Variants in COL5A2 observed in about 807,000 individuals in gnomAD.
COL5A2 encodes the protein collagen type V alpha 2 chain.
COL5A2 carries 23 observed loss-of-function variants against 208.2 expected under a neutral mutation model. The observed-to-expected ratio is 0.11, with a 90% CI of 0.08 to 0.16. COL5A2 has a LOEUF of 0.16. Ranked by LOEUF, COL5A2 falls within the 10% of genes least tolerant of loss-of-function variation. The pLI, the probability that COL5A2 is intolerant of heterozygous loss-of-function variation, is 1.00. For missense variants in COL5A2, 1,590 were observed against 1,956.4 expected, an observed-to-expected ratio of 0.81 and a Z score of 3.53; for synonymous variants, 625 against 628.5, an observed-to-expected ratio of 0.99 and a Z score of 0.08.
the COL5A2 span, among the ~76,000 whole-genome samples, chr2:189,396,864 C>G: frequency 3.3e-5 from 5 of 151,114 alleles, no homozygotes; most frequent in African/African-American, 1.2e-4. Flanking sequence ...TGGTGGCGGG[C>G]ACCTGTAGTC....
chr2:189,091,063 C>T (rs955144268), intron 7 of COL5A2, among the ~76,000 whole-genome samples: 1 of 152,066 alleles, frequency 6.6e-6, no homozygotes, highest in South Asian at 2.1e-4. Flanking sequence ...TTCTAGGTGC[C>T]ATTAAGAACA....
intron 41 of COL5A2, 52 bp downstream of exon 41, chr2:189,052,118 CGT>C (rs761795676): frequency 7.2e-6 from 10 of 1,394,114 alleles, no homozygotes; most frequent in African/African-American, 1.4e-5. Flanking sequence ...CAAATGTATA[CGT>C]GTGTGTGTAA....
chr2:189,147,270 A>C (rs1303172818), intron 1 of COL5A2, among the ~76,000 whole-genome samples: 1 of 152,160 alleles, frequency 6.6e-6, no homozygotes, highest in Non-Finnish European at 1.5e-5. Flanking sequence ...GAAAATTATG[A>C]AAAAACGTAA....
chr2:189,097,364 A>G (rs1379899145), intron 5 of COL5A2, 34 bp from the exon 6 acceptor site: 3 of 1,607,218 alleles, frequency 1.9e-6, no homozygotes, highest in Non-Finnish European at 2.6e-6. Context: ...GCATGCAAAA[A>G]TGTATACTTT....
the COL5A2 span, among the ~76,000 whole-genome samples, chr2:189,425,854 C>T: frequency 2.6e-5 from 4 of 152,118 alleles, no homozygotes; most frequent in Admixed American, 1.3e-4. Flanking sequence ...TGCCTCACTC[C>T]CCCTTTGCCT....
chr2:189,083,421 T>A (rs1041485350), intron 12 of COL5A2, among the ~76,000 whole-genome samples: 1 of 151,982 alleles, frequency 6.6e-6, no homozygotes, highest in Non-Finnish European at 1.5e-5. Flanking sequence ...TCAGTGTAAA[T>A]TGTCATGATT....
At chr2:189,298,813 C>T in the COL5A2 span, among the ~76,000 whole-genome samples, 2 of 152,170 alleles carry the variant, frequency 1.3e-5, no homozygotes, top group African/African-American at 4.8e-5. Flanking sequence ...ATATCTAACA[C>T]AATCACTGCA....
chr2:189,343,465 T>C, the COL5A2 span, among the ~76,000 whole-genome samples: 6 of 152,082 alleles, frequency 3.9e-5, no homozygotes, highest in African/African-American at 7.2e-5. Flanking sequence ...TATCAAAACC[T>C]TTTTTAAATG....
the COL5A2 span, among the ~76,000 whole-genome samples, chr2:189,427,629 G>A: frequency 6.6e-6 from 1 of 152,232 alleles, no homozygotes; most frequent in Non-Finnish European, 1.5e-5. Context: ...GCCAGAGTGG[G>A]TGAACCCTGC....
At chr2:189,266,701 G>C in the COL5A2 span, among the ~76,000 whole-genome samples, 1 of 152,018 alleles carries the variant, frequency 6.6e-6, no homozygotes, top group African/African-American at 2.4e-5. Flanking sequence ...TTACATATTA[G>C]GATGCTTGAA....
chr2:189,327,243 A>G, the COL5A2 span, among the ~76,000 whole-genome samples: 1 of 152,182 alleles, frequency 6.6e-6, no homozygotes. Flanking sequence ...CACTTAAAAC[A>G]TAGGCTTTCT....
At position 189,070,516 on chromosome 2, in the gene COL5A2, A is replaced by G. The variant is rs13382234; in HGVS notation, c.1158+1524T>C. On this transcript the variant is annotated intron_variant, in intron 18 of 53. Coordinates refer to ENST00000374866, the MANE Select transcript of COL5A2 (RefSeq NM_000393.5). Reference sequence around the variant, plus strand: ...TCTAACAGAAACAGTTTTGCTAGATATTTGAGTTTTATTGAGCAGTTTTCA... The same window carrying G: ...TCTAACAGAAACAGTTTTGCTAGATGTTTGAGTTTTATTGAGCAGTTTTCA... Among the ~76,000 whole-genome samples, 692 of 152,308 alleles carry G rather than the reference A, an allele frequency of 4.5e-3. 5 individuals carry two copies. Among genetic ancestry groups the G allele is most frequent in the African/African-American group, 0.015 (638 of 41,564 alleles).
chr2:189,325,129 G>A, the COL5A2 span, among the ~76,000 whole-genome samples: 1 of 151,860 alleles, frequency 6.6e-6, no homozygotes, highest in African/African-American at 2.4e-5. Flanking sequence ...AGAACACTTG[G>A]ACACGGGAAG....
chr2:189,125,256 A>G (rs1687585173), intron 1 of COL5A2, among the ~76,000 whole-genome samples: 1 of 152,212 alleles, frequency 6.6e-6, no homozygotes, highest in African/African-American at 2.4e-5. Flanking sequence ...AAGGCCATTC[A>G]CAGTATCTGA....
intron 31 of COL5A2, among the ~76,000 whole-genome samples, 169 bp from the exon 32 acceptor site, chr2:189,059,062 A>G (rs1685965018): frequency 6.6e-6 from 1 of 152,180 alleles, no homozygotes; most frequent in Non-Finnish European, 1.5e-5. Flanking sequence ...ATGAGGGAAT[A>G]TTACATGTTT....
At chr2:189,230,205 AC>A (rs773395806), upstream of COL5A2, among the ~76,000 whole-genome samples, 13 of 151,900 alleles carry the variant, frequency 8.6e-5, no homozygotes, top group Non-Finnish European at 1.5e-4. Context: ...TAAACACAAT[AC>A]CTGAAACTAT....
At chr2:189,095,460 A>T (rs1452234585) in intron 6 of COL5A2, among the ~76,000 whole-genome samples, 1 of 151,866 alleles carries the variant, frequency 6.6e-6, no homozygotes, top group African/African-American at 2.4e-5. Context: ...TCCTCCTAAA[A>T]ATCTACCCCC....
chr2:189,174,837 T>C (rs1452269410), intron 1 of COL5A2, among the ~76,000 whole-genome samples: 4 of 152,204 alleles, frequency 2.6e-5, no homozygotes, highest in Non-Finnish European at 2.9e-5. Flanking sequence ...AATGTACATA[T>C]GTAGAAAGAG....
At chr2:189,048,321 C>T in intron 44 of COL5A2, 59 bp from the exon 45 acceptor site, 1 of 1,492,838 alleles carries the variant, frequency 6.7e-7, no homozygotes, top group Non-Finnish European at 9.3e-7. Context: ...AATCCTCATT[C>T]CAATTGTCAA....
Sources: gnomAD v4.1 joint callset for allele counts (sites outside exome capture counted in the v4.1 genomes callset) on GRCh38, gnomAD v4.1.1 for gene constraint, MANE v1.5 for transcripts, NCBI Gene and HGNC (gene_info 2026-07-23, HGNC 2026-07-21) for gene names.